The following SLC4A4 variants were observed in gnomAD, a reference collection of about 807,000 sequenced individuals.
SLC4A4 encodes electrogenic sodium bicarbonate cotransporter 1.
SLC4A4 carries 27 observed loss-of-function variants against 111.5 expected under a neutral mutation model. The observed-to-expected ratio is 0.24, with a 90% confidence interval of 0.18 to 0.33. The LOEUF is 0.33. Ranked by LOEUF, SLC4A4 falls within the 10% of genes least tolerant of loss-of-function variation. The probability of loss-of-function intolerance (pLI) is 1.00; values close to 1 mark genes in which losing one functional copy is unlikely to be tolerated. For missense variants in SLC4A4, 909 were observed against 1,315.5 expected (o/e 0.69, Z 4.78); for synonymous variants, 443 against 463.4 (o/e 0.96, Z 0.57).
chr4:71,180,407 A>T (rs1227919894), intron 2 of SLC4A4, among the ~76,000 whole-genome samples: 2 of 152,248 alleles, frequency 1.3e-5, no homozygotes, highest in African/African-American at 4.8e-5. Context: ...CATCAGAGTG[A>T]ACAAGCAACC....
Position 71,497,678 on chromosome 4 carries a change from T to C in SLC4A4, c.2152T>C (p.Tyr718His). The change falls in exon 16 of 26, where the codon TAT (tyrosine) becomes CAT (histidine). Residue 718 changes from tyrosine to histidine, a missense_variant. Around this residue, in one of 7 missense-constraint regions of SLC4A4, gnomAD observed 264 missense variants for 356.8 expected, o/e 0.74. Coordinates refer to ENST00000264485, the MANE Select transcript of SLC4A4 (RefSeq NM_001098484.3). ...TCTGAAAAAATTCAAAACTAGTCCT[T>C]ATTTTCCAACCACAGTAAGTACCTG... ...MALKKFKTSP[Y>H]FPTTARKLIS... The C allele has an allele frequency of 6.2e-7, 1 of 1,612,772 alleles. No homozygotes were observed. The highest frequency in any genetic ancestry group is 8.5e-7 in the Non-Finnish European group (1 of 1,178,982).
chr4:71,326,144 A>G (rs1286317483), intron 3 of SLC4A4, among the ~76,000 whole-genome samples: 1 of 151,886 alleles, frequency 6.6e-6, no homozygotes, highest in African/African-American at 2.4e-5. Flanking sequence ...GCACATCCCA[A>G]TAAACATTAG....
At chr4:71,438,083 C>G (rs1426940097) in intron 7 of SLC4A4, among the ~76,000 whole-genome samples, 1 of 152,112 alleles carries the variant, frequency 6.6e-6, no homozygotes, top group African/African-American at 2.4e-5. Context: ...GAGACCTGGC[C>G]CCTTAATATG....
rs368435918 is a variant in SLC4A4 at position 71,279,290 on chromosome 4, GT to G, written c.253+23892del. 1.1e-3 allele frequency among the ~76,000 whole-genome samples: 174 copies of G among 152,166 alleles called. 1 individual carries two copies. The South Asian group carries it at 0.012, about 10-fold the overall frequency. ...CCATTCTGCTCTCTGCCTCTGTTGA[GT>G]ATGACATTTTTTTTTCTTTAAGATT... On this transcript the variant is annotated intron_variant, in intron 3 of 25. Transcript: ENST00000264485.
Position 71,078,749 on chromosome 4 carries a change from A to G in SLC4A4, c.-64-13981A>G, listed in dbSNP as rs944743493. Among the ~76,000 whole-genome samples, 5 of 152,198 alleles carry G rather than the reference A, an allele frequency of 3.3e-5. No individual in the cohort carries two copies. In the South Asian group the frequency reaches 1.0e-3, roughly 32 times the overall value. On this transcript the variant is annotated intron_variant, in intron 1 of 26. Transcript: ENST00000649996. ...AAAACGATAAGGAGATATTTTCATG[A>G]AAATCTCTGGCACATTAGGAGAATA... is the stretch of plus-strand genomic sequence containing the variant.
intron 7 of SLC4A4, among the ~76,000 whole-genome samples, chr4:71,423,276 T>G (rs1458875273): frequency 6.6e-6 from 1 of 152,130 alleles, no homozygotes; most frequent in African/African-American, 2.4e-5. Flanking sequence ...GAATCCACCT[T>G]ACAAGGGATG....
chr4:71,546,325 A>G (rs756191543), intron 18 of SLC4A4, 25 bp from the exon 19 acceptor site: 23 of 1,602,058 alleles, frequency 1.4e-5, no homozygotes, highest in Non-Finnish European at 1.7e-5. Flanking sequence ...TTTTCTTCAC[A>G]TGGTTTTGTT....
At chr4:71,450,199 C>T (rs1725628256) in intron 9 of SLC4A4, among the ~76,000 whole-genome samples, 190 bp from the exon 10 acceptor site, 1 of 152,174 alleles carries the variant, frequency 6.6e-6, no homozygotes, top group African/African-American at 2.4e-5. Flanking sequence ...GCCTCTGCCT[C>T]TATTCTTTGA....
intron 16 of SLC4A4, among the ~76,000 whole-genome samples, chr4:71,507,407 A>C (rs962370091): frequency 6.6e-6 from 1 of 152,332 alleles, no homozygotes; most frequent in Admixed American, 6.5e-5. Flanking sequence ...AAAATTTACC[A>C]AACAAATGGA....
chr4:71,242,949 G>A (rs544150897), intron 2 of SLC4A4, among the ~76,000 whole-genome samples: 3 of 152,208 alleles, frequency 2.0e-5, no homozygotes, highest in Non-Finnish European at 4.4e-5. Context: ...CTTACTCTCT[G>A]TTTGCCTTTG....
chr4:71,114,610 G>C (rs1193030202), intron 2 of SLC4A4, among the ~76,000 whole-genome samples: 2 of 146,468 alleles, frequency 1.4e-5, no homozygotes, highest in African/African-American at 5.2e-5. Flanking sequence ...GGCCATCAGA[G>C]AAATGCAAAT....
At position 71,174,492 on chromosome 4, in the gene SLC4A4, C is replaced by T. The variant is rs531554629; in HGVS notation, c.-1-62084C>T. On this transcript the variant is annotated intron_variant, in intron 2 of 26. Coordinates refer to the SLC4A4 transcript ENST00000649996. ...CGAACTCCTGGACTCAAGTAATCCACCCACTTCAGCCTCCCAAAGTGCTGG... is the reference window on the plus strand; with the variant it reads ...CGAACTCCTGGACTCAAGTAATCCATCCACTTCAGCCTCCCAAAGTGCTGG... 9.9e-5 allele frequency among the ~76,000 whole-genome samples: 15 copies of T among 152,194 alleles called. No individual in the cohort carries two copies. In the South Asian group the frequency reaches 2.9e-3, roughly 29 times the overall value.
chr4:71,473,399 A>G, intron 14 of SLC4A4: 1 of 342,506 alleles, frequency 2.9e-6, no homozygotes, highest in Non-Finnish European at 5.3e-6. Context: ...AACTTATAGA[A>G]GAAAAAGATA....
chr4:71,500,786 A>G (rs1166977885), intron 16 of SLC4A4, among the ~76,000 whole-genome samples: 1 of 152,170 alleles, frequency 6.6e-6, no homozygotes, highest in Admixed American at 6.5e-5. Context: ...CCATAAATGC[A>G]TGGATTTATT....
chr4:71,311,573 C>A (rs752479100), intron 3 of SLC4A4, among the ~76,000 whole-genome samples: 2 of 152,110 alleles, frequency 1.3e-5, no homozygotes, highest in African/African-American at 2.4e-5. Flanking sequence ...GAACAACCTG[C>A]TCCTGAATGA....
chr4:71,171,693 A>G (rs184091766), intron 2 of SLC4A4, among the ~76,000 whole-genome samples: 1 of 152,318 alleles, frequency 6.6e-6, no homozygotes, highest in African/African-American at 2.4e-5. Flanking sequence ...TTAGTACAGC[A>G]CCACTATACC....
chr4:71,523,427 T>G (rs1733134304), intron 16 of SLC4A4, among the ~76,000 whole-genome samples: 1 of 152,188 alleles, frequency 6.6e-6, no homozygotes, highest in African/African-American at 2.4e-5. Context: ...TAACAAAAAC[T>G]ATACAAATAC....
At chr4:71,338,084 C>T (rs893685607) in intron 3 of SLC4A4, among the ~76,000 whole-genome samples, 1 of 151,902 alleles carries the variant, frequency 6.6e-6, no homozygotes, top group Non-Finnish European at 1.5e-5. Flanking sequence ...CCACCCGCCT[C>T]GGCCTCCCAA....
At chr4:71,244,969 G>C (rs1340774460) in intron 2 of SLC4A4, among the ~76,000 whole-genome samples, 1 of 152,076 alleles carries the variant, frequency 6.6e-6, no homozygotes, top group Non-Finnish European at 1.5e-5. Flanking sequence ...TTTTAGAGAT[G>C]TATCACATAC....
Sources: allele counts gnomAD v4.1 joint callset (sites outside exome capture counted in the v4.1 genomes callset), GRCh38; gene constraint gnomAD v4.1.1; regional missense constraint gnomAD v4.1.1; transcripts MANE v1.5; gene names NCBI Gene and HGNC (gene_info 2026-07-23, HGNC 2026-07-21).